KLF11: variants seen among roughly 807,000 people sequenced by gnomAD.
KLF11 encodes Krueppel-like factor 11.
Under a neutral mutation model 29.9 loss-of-function variants are expected in KLF11, and 26 were observed. The ratio of observed to expected loss-of-function variants is 0.87; its 90% confidence interval spans 0.64 to 1.21. KLF11 has a LOEUF of 1.21. KLF11 is among the 50% of genes most tolerant of loss of function. KLF11 has a pLI of 0.00. For missense variants in KLF11, 778 were observed against 665.7 expected (o/e 1.17, Z -1.86); for synonymous variants, 318 against 257.4 (o/e 1.24, Z -2.25).
rs1442757042 is a variant in KLF11, at chr2:10,046,267, A to G, written c.160A>G (p.Met54Val). The G allele has an allele frequency of 6.2e-7, 1 of 1,614,154 alleles. No individual in the cohort carries two copies. The highest frequency in any genetic ancestry group is 8.5e-7 in the Non-Finnish European group (1 of 1,180,034). The change falls in exon 2 of 4, where the codon ATG becomes GTG. Residue 54 changes from methionine (M) to valine (V), a missense_variant. By Grantham distance (21) the Met-to-Val change is conservative. Coordinates refer to ENST00000305883, the MANE Select transcript of KLF11 (RefSeq NM_003597.5). Reference sequence around the variant, plus strand: ...GGAAGCTGTCGAGGCTCTTGTTTGTATGAGCTCCTGGGGTCAAAGATCCCA... The same window carrying G: ...GGAAGCTGTCGAGGCTCTTGTTTGTGTGAGCTCCTGGGGTCAAAGATCCCA... ...DMEAVEALVC[M>V]SSWGQRSQKG... is the part of the protein sequence containing the mutation.
Position 10,043,934 on chromosome 2 carries a change from A to G in KLF11, c.42+176A>G, listed in dbSNP as rs1473195667. 8.9e-6 allele frequency: 9 copies of G among 1,006,212 alleles called. No homozygotes were observed. The East Asian group carries it at 6.5e-4, about 72-fold the overall frequency. The allele number at this position is 1,006,212 out of a possible 1,614,324, so 62.3% of individuals were successfully genotyped here. On this transcript the variant is annotated intron_variant, in intron 1 of 3. Transcript: ENST00000305883. Reference sequence around the variant, plus strand: ...GGAGCCGGGCGGGGCGGCGGCCGCGACGGGCGCGCCCGGGTCGGCGGGGGC... The same window carrying G: ...GGAGCCGGGCGGGGCGGCGGCCGCGGCGGGCGCGCCCGGGTCGGCGGGGGC...
chr2:10,049,126 ATC>A (rs1661329869), intron 3 of KLF11, among the ~76,000 whole-genome samples: 1 of 152,182 alleles, frequency 6.6e-6, no homozygotes, highest in Non-Finnish European at 1.5e-5. Flanking sequence ...TGACCTAATG[ATC>A]TCTCTGTTGT....
chr2:10,043,744 G>T lies in KLF11; in HGVS notation c.28G>T (p.Asp10Tyr). The T allele has an allele frequency of 7.2e-7, 1 of 1,379,696 alleles. No individual in the cohort carries two copies. The allele number at this position is 1,379,696 out of a possible 1,614,324, so 85.5% of individuals were successfully genotyped here. A position where few individuals can be genotyped will look rare whatever the true frequency, so the allele number is the denominator to read the frequency against. Residue 10 changes from aspartate (D) to tyrosine (Y), a missense_variant, in exon 1 of 4, where the codon GAC becomes TAC. Asp to Tyr is a radical substitution (Grantham distance 160). Transcript: ENST00000305883. MHTPDFAGP[D>Y]DARAVDIMDI... is the part of the protein sequence containing the mutation. ...GCACACGCCGGACTTCGCAGGCCCAGACGACGCGCGCGCAGTGAGTGGTGG... is the reference window on the plus strand; with the variant it reads ...GCACACGCCGGACTTCGCAGGCCCATACGACGCGCGCGCAGTGAGTGGTGG...
In KLF11 at chr2:10,046,571, C is replaced by T. The variant is rs116250238; in HGVS notation, c.312+152C>T. On this transcript the variant is annotated intron_variant, in intron 2 of 3. Transcript: ENST00000305883. ...GGGTCTGAAGGAGTAGAAACTCTTC[C>T]TTTGGCCAGGCATGGTGGCTCAAGC... 577 of 902,838 alleles carry T rather than the reference C, an allele frequency of 6.4e-4. 4 individuals are homozygous for T. The African/African-American group carries it at 8.4e-3, about 13-fold the overall frequency. The allele number at this position is 902,838 out of a possible 1,614,324, so 55.9% of individuals were successfully genotyped here. A position where few individuals can be genotyped will look rare whatever the true frequency, so the allele number is the denominator to read the frequency against.
Position 10,048,516 on chromosome 2 carries a change from C to G in KLF11, c.1179C>G (p.Asn393Lys). 6.2e-7 allele frequency: 1 copy of G among 1,613,636 alleles called. No individual in the cohort carries two copies. Among genetic ancestry groups the G allele is most frequent in the South Asian group, 1.1e-5 (1 of 91,086 alleles). Residue 393 changes from asparagine (N) to lysine (K), a missense_variant, in exon 3 of 4, where the codon AAC (asparagine) becomes AAG (lysine). Physicochemically the swap from Asn to Lys is moderately conservative, Grantham distance 94. Transcript: ENST00000305883. ...AGGTAGACTTTTCCCGAAGGAGGAA[C>G]TATGTATGCAGCTTCCCAGGTTGCC... ...VPQVDFSRRR[N>K]YVCSFPGCRK... is the part of the protein sequence containing the mutation.
chr2:10,045,151 A>T (rs1485988119), intron 1 of KLF11, among the ~76,000 whole-genome samples: 1 of 151,154 alleles, frequency 6.6e-6, no homozygotes. Context: ...GTCTCAAAAA[A>T]ACAAGGCCGG....
At chr2:10,044,297 G>A in intron 1 of KLF11, 1 of 984,630 alleles carries the variant, frequency 1.0e-6, no homozygotes, top group Non-Finnish European at 1.2e-6. Flanking sequence ...TGGAGGCGGG[G>A]CAACGCTTGG....
intron 1 of KLF11, 105 bp from the exon 2 acceptor site, chr2:10,046,045 T>C (rs1661187651): frequency 4.7e-6 from 6 of 1,282,600 alleles, no homozygotes; most frequent in Middle Eastern, 2.6e-4. Context: ...TGCATGTGCA[T>C]TACATGCCTA....
chr2:10,049,342 C>A (rs1423039118), intron 3 of KLF11, among the ~76,000 whole-genome samples: 1 of 152,252 alleles, frequency 6.6e-6, no homozygotes, highest in Non-Finnish European at 1.5e-5. Context: ...CTGAGTGTTG[C>A]TGGATAGACA....
Position 10,048,332 on chromosome 2 carries a change from C to A in KLF11, c.995C>A (p.Pro332His). ...GCGCCTCAACCTGTGTTCGTGGGAC[C>A]TGCTGTGCCTCAGGGAGCTGTGATG... is the stretch of plus-strand genomic sequence containing the variant. ...APAPQPVFVG[P>H]AVPQGAVMLV... is the part of the protein sequence containing the mutation. The change falls in exon 3 of 4, where the codon CCT becomes CAT. Residue 332 changes from proline (P) to histidine (H), a missense_variant. Transcript: ENST00000305883. 6.2e-7 allele frequency: 1 copy of A among 1,603,336 alleles called. No individual in the cohort carries two copies. The highest frequency in any genetic ancestry group is 8.5e-7 in the Non-Finnish European group (1 of 1,173,102).
chr2:10,050,892 CTTTT>C (rs386389509), intron 3 of KLF11, among the ~76,000 whole-genome samples: 29 of 54,820 alleles, frequency 5.3e-4, no homozygotes, highest in Non-Finnish European at 8.2e-4. Flanking sequence ...TAGATGCTAC[CTTTT>C]TTTTTTTTTT....
In KLF11 at chr2:10,047,935, A is replaced by G; in HGVS notation, c.598A>G (p.Ser200Gly). The G allele has an allele frequency of 3.1e-6, 5 of 1,613,960 alleles. No homozygotes were observed. Among genetic ancestry groups the G allele is most frequent in the Non-Finnish European group, 3.4e-6 (4 of 1,180,030 alleles). Residue 200 changes from serine (S) to glycine (G), a missense_variant, in exon 3 of 4, where the codon AGC becomes GGC. Coordinates refer to ENST00000305883, the MANE Select transcript of KLF11 (RefSeq NM_003597.5). ...GACTCCAGATTGCCGGCTTTCTGAC[A>G]GCAGAGAAGGAGAAGAGCAGCTTCT... ...IQTPDCRLSDSREGEEQLLGH... is the reference protein window; with the variant it reads ...IQTPDCRLSDGREGEEQLLGH...
intron 3 of KLF11, among the ~76,000 whole-genome samples, chr2:10,051,159 C>T (rs1661391878): frequency 6.6e-6 from 1 of 151,822 alleles, no homozygotes; most frequent in Admixed American, 6.6e-5. Flanking sequence ...CCGTCTGTCT[C>T]AGCCTCCCAA....
intron 1 of KLF11, chr2:10,044,476 C>T (rs1373829190): frequency 4.1e-6 from 4 of 980,326 alleles, no homozygotes; most frequent in African/African-American, 3.5e-5. Context: ...GCGCCCGGTT[C>T]TGTGACATCA....
rs188615945 is a variant in KLF11 at position 10,047,138 on chromosome 2, C to T, written c.313-512C>T. ...TGGCACCTCTGCCCTCCCGTGGCAG[C>T]CGACTCCTTAATGTGAGTTCTGTGA... On this transcript the variant is annotated intron_variant, in intron 2 of 3. Transcript: ENST00000305883. 1.5e-3 allele frequency among the ~76,000 whole-genome samples: 222 copies of T among 152,256 alleles called. 1 individual carries two copies. The highest frequency in any genetic ancestry group is 2.7e-3 in the Non-Finnish European group (187 of 68,010).
intron 1 of KLF11, among the ~76,000 whole-genome samples, chr2:10,045,021 C>T (rs1335997594): frequency 2.0e-5 from 3 of 152,186 alleles, no homozygotes; most frequent in Non-Finnish European, 2.9e-5. Context: ...TGGTGGGCGC[C>T]TGTAATCCCA....
At chr2:10,050,919 T>TTTTTTTG (rs1661384923) in intron 3 of KLF11, among the ~76,000 whole-genome samples, 3 of 135,016 alleles carry the variant, frequency 2.2e-5, no homozygotes, top group Non-Finnish European at 3.2e-5. Context: ...TTTTTTTTTT[T>TTTTTTTG]GAGATGGAAT....
rs762515538 is a variant in KLF11 at position 10,047,754 on chromosome 2, C to T, written c.417C>T (p.Leu139=). 5.0e-6 allele frequency: 8 copies of T among 1,613,792 alleles called. No individual in the cohort carries two copies. The highest frequency in any genetic ancestry group is 2.2e-5 in the South Asian group (2 of 91,084). ...AAGCATGTACAGCCACGGATGTTCT[C>T]CAGTCCTCTGCCGTAGTGGCCAGAG... The part of the protein sequence containing the change: ...DSKACTATDV[L]QSSAVVARAL... Residue 139 remains leucine, a synonymous_variant, in exon 3 of 4, where the codon CTC becomes CTT. Transcript: ENST00000305883.
At position 10,048,447 on chromosome 2, in the gene KLF11, C is replaced by G; in HGVS notation, c.1110C>G (p.Ala370=). 1 of 1,614,122 alleles carries G rather than the reference C, an allele frequency of 6.2e-7. No individual in the cohort carries two copies. Among genetic ancestry groups the G allele is most frequent in the Non-Finnish European group, 8.5e-7 (1 of 1,180,044 alleles). ...GGAATACCAAGTTGTTGCCCCTTGC[C>G]CCTGCTCCAGTGTTCATCACCTCTA... ...AAGNTKLLPL[A]PAPVFITSSQ... The change falls in exon 3 of 4, where the codon GCC becomes GCG. Residue 370 remains alanine, a synonymous_variant. Coordinates refer to ENST00000305883, the MANE Select transcript of KLF11 (RefSeq NM_003597.5).
Sources: gnomAD v4.1 joint callset for allele counts (sites outside exome capture counted in the v4.1 genomes callset) on GRCh38, gnomAD v4.1.1 for gene constraint, MANE v1.5 for transcripts, NCBI Gene and HGNC (gene_info 2026-07-23, HGNC 2026-07-21) for gene names.